The following DIP2C variants were observed in gnomAD, a reference collection of about 807,000 sequenced individuals.
DIP2C encodes DIP2 acetate--CoA ligase C (putative), also known as disco-interacting protein 2 homolog C.
Under a neutral mutation model 192.4 loss-of-function variants are expected in DIP2C, and 33 were observed. The observed-to-expected ratio is 0.17, with a 90% CI of 0.13 to 0.23. DIP2C has a LOEUF of 0.23. DIP2C is among the 10% of genes least tolerant of loss of function. The probability of loss-of-function intolerance (pLI) is 1.00; values close to 1 mark genes in which losing one functional copy is unlikely to be tolerated. For missense variants in DIP2C, 1,537 were observed against 2,110.1 expected, an observed-to-expected ratio of 0.73 and a Z score of 5.32; for synonymous variants, 979 against 864.1, an observed-to-expected ratio of 1.13 and a Z score of -2.33.
rs192241637 is a variant in DIP2C at position 499,238 on chromosome 10, T to C, written c.86-12708A>G. ...GGCTACACAGCTGAGGTTTCCCACA[T>C]GTGGTGCTGACTGGCTGCTCGTTGG... On this transcript the variant is annotated intron_variant, in intron 1 of 36. Coordinates refer to ENST00000280886, the MANE Select transcript of DIP2C (RefSeq NM_014974.3). 3.1e-3 allele frequency among the ~76,000 whole-genome samples: 466 copies of C among 152,178 alleles called. 3 individuals are homozygous for C. The highest frequency in any genetic ancestry group is 0.011 in the African/African-American group (443 of 41,548).
chr10:619,388 TC>T (rs1256761983), intron 1 of DIP2C, among the ~76,000 whole-genome samples: 2 of 152,164 alleles, frequency 1.3e-5, no homozygotes. Flanking sequence ...TCTCCTTGCC[TC>T]CCTCAGCCTC....
chr10:357,954 AC>A lies in DIP2C; in HGVS notation c.2795-18del. The stretch of plus-strand genomic sequence containing the variant: ...GGCCGATTTCTAGAAAGAAACAGAG[AC>A]ATGGCCATGAGGAAACAAAAGAGAA... On this transcript the variant is annotated intron_variant, in intron 22 of 36. Transcript: ENST00000280886. 6.3e-7 allele frequency: 1 copy of A among 1,587,596 alleles called. No individual in the cohort carries two copies. The highest frequency in any genetic ancestry group is 1.1e-5 in the South Asian group (1 of 90,424).
chr10:643,948 CTCTG>C (rs1306999458), intron 1 of DIP2C, among the ~76,000 whole-genome samples: 3 of 152,188 alleles, frequency 2.0e-5, no homozygotes, highest in Non-Finnish European at 4.4e-5. Context: ...ATATCCTAAC[CTCTG>C]TCTTTTTATC....
chr10:661,736 G>A (rs1856774996), intron 1 of DIP2C, among the ~76,000 whole-genome samples: 1 of 152,142 alleles, frequency 6.6e-6, no homozygotes, highest in Non-Finnish European at 1.5e-5. Flanking sequence ...TCCTTGACCT[G>A]CACTTCTATG....
chr10:489,748 G>A (rs1241930488), intron 1 of DIP2C, among the ~76,000 whole-genome samples: 2 of 117,164 alleles, frequency 1.7e-5, no homozygotes, highest in Admixed American at 8.4e-5. Context: ...CTAGGGACAC[G>A]GTGGCTCTGA....
chr10:359,924 G>A (rs541978436), intron 22 of DIP2C, among the ~76,000 whole-genome samples: 1 of 152,314 alleles, frequency 6.6e-6, no homozygotes, highest in South Asian at 2.1e-4. Context: ...CCTGGCTGAT[G>A]AAGCTCTGAG....
Position 344,897 on chromosome 10 carries a change from G to A in DIP2C, c.3365C>T (p.Pro1122Leu). 6.2e-7 allele frequency: 1 copy of A among 1,607,506 alleles called. No individual in the cohort carries two copies. The highest frequency in any genetic ancestry group is 8.5e-7 in the Non-Finnish European group (1 of 1,177,928). ...GTTGCAAGGTTTGCAGATCTGGGCA[G>A]GCCGCTTCTTTGGCAAATCATCTGG... ...LDTDDLPKKR[P>L]AQICKPCNPD... is the part of the protein sequence containing the mutation. Residue 1122 changes from proline (P) to leucine (L), a missense_variant, in exon 28 of 37, where the codon CCT becomes CTT. Physicochemically the swap from Pro to Leu is moderately conservative, Grantham distance 98. Around this residue, in one of 4 missense-constraint regions of DIP2C, gnomAD observed 46 missense variants for 28.9 expected, o/e 1.59. Coordinates refer to ENST00000280886, the MANE Select transcript of DIP2C (RefSeq NM_014974.3).
intron 1 of DIP2C, among the ~76,000 whole-genome samples, chr10:639,019 C>T (rs1309683533): frequency 6.6e-6 from 1 of 152,264 alleles, no homozygotes. Context: ...AATCCTGGAC[C>T]CTCCTCCTTG....
In DIP2C at chr10:666,751, A is replaced by G. The variant is rs905031999; in HGVS notation, c.85+22743T>C. 6.6e-6 allele frequency: 1 copy of G among 152,546 alleles called. No homozygotes were observed. Among genetic ancestry groups the G allele is most frequent in the Non-Finnish European group, 1.5e-5 (1 of 68,350 alleles). 9.4% of individuals were successfully genotyped at this position (152,546 alleles called of 1,614,324 possible). A position where few individuals can be genotyped will look rare whatever the true frequency, so the allele number is the denominator to read the frequency against. ...GGACGTGGGCCTGGGGGCTGGTGGA[A>G]GGCACGTGTGTTGAGGCGTGTACTC... On this transcript the variant is annotated intron_variant, in intron 1 of 36. Coordinates refer to ENST00000280886, the MANE Select transcript of DIP2C (RefSeq NM_014974.3). The surrounding 1 kb of genome is among the most constrained non-coding windows in gnomAD (Gnocchi z 4.1).
At chr10:308,432 C>T (rs1396943131) in intron 32 of DIP2C, among the ~76,000 whole-genome samples, 1 of 149,822 alleles carries the variant, frequency 6.7e-6, no homozygotes, top group Non-Finnish European at 1.5e-5. Context: ...GGCCAGGCCA[C>T]AGACAGAACT....
chr10:317,260 C>A (rs950493432), intron 31 of DIP2C, among the ~76,000 whole-genome samples: 1 of 152,238 alleles, frequency 6.6e-6, no homozygotes, highest in African/African-American at 2.4e-5. Flanking sequence ...CTCAGGCCGT[C>A]TACCAGCAAG....
At chr10:460,309 G>A (rs1291234529) in intron 3 of DIP2C, among the ~76,000 whole-genome samples, 1 of 152,176 alleles carries the variant, frequency 6.6e-6, no homozygotes, top group African/African-American at 2.4e-5. Flanking sequence ...AGGTAATGAA[G>A]TGCTTAAAAT....
intron 9 of DIP2C, among the ~76,000 whole-genome samples, chr10:401,429 T>C (rs1175526278): frequency 3.3e-5 from 5 of 150,392 alleles, no homozygotes; most frequent in African/African-American, 7.4e-5. Context: ...TGATTTTACA[T>C]GTGTGGTAGC....
intron 29 of DIP2C, among the ~76,000 whole-genome samples, chr10:330,324 G>C (rs1405306378): frequency 6.7e-6 from 1 of 149,206 alleles, no homozygotes; most frequent in Non-Finnish European, 1.5e-5. Context: ...CTAGAGAACA[G>C]ATTTAGAGAA....
intron 31 of DIP2C, among the ~76,000 whole-genome samples, chr10:321,189 A>G (rs1487742618): frequency 6.6e-6 from 1 of 152,218 alleles, no homozygotes; most frequent in African/African-American, 2.4e-5. Flanking sequence ...TGTGTCAGGT[A>G]TGTTCTAAAA....
intron 4 of DIP2C, among the ~76,000 whole-genome samples, chr10:427,751 C>G (rs1437793566): frequency 6.6e-6 from 1 of 152,060 alleles, no homozygotes; most frequent in African/African-American, 2.4e-5. Flanking sequence ...AATAAAAATA[C>G]CAAAATACCA....
At chr10:582,967 C>G (rs892795431) in intron 1 of DIP2C, among the ~76,000 whole-genome samples, 1 of 152,190 alleles carries the variant, frequency 6.6e-6, no homozygotes, top group African/African-American at 2.4e-5. Flanking sequence ...ATGGGGAAGA[C>G]TAATTTTCTC....
chr10:360,064 C>A (rs1480043105), intron 22 of DIP2C, among the ~76,000 whole-genome samples: 2 of 151,936 alleles, frequency 1.3e-5, no homozygotes, highest in East Asian at 3.9e-4. Flanking sequence ...GTAGGGAAAG[C>A]GAGCTTTTGA....
At chr10:542,613 G>T (rs956834860) in intron 1 of DIP2C, among the ~76,000 whole-genome samples, 5 of 152,212 alleles carry the variant, frequency 3.3e-5, no homozygotes, top group African/African-American at 1.2e-4. Context: ...GGGAATGGAG[G>T]GTTCTAACCC....
Sources: gnomAD v4.1 joint callset for allele counts (sites outside exome capture counted in the v4.1 genomes callset) on GRCh38, gnomAD v4.1.1 for gene constraint, gnomAD v4.1.1 regional missense constraint, Gnocchi (gnomAD v3.1) non-coding constraint, MANE v1.5 for transcripts, NCBI Gene and HGNC (gene_info 2026-07-23, HGNC 2026-07-21) for gene names.